The following GOLGA8M variants were observed in gnomAD, a reference collection of about 807,000 sequenced individuals.
GOLGA8M encodes the protein golgin subfamily A member 8M.
GOLGA8M carries 34 observed loss-of-function variants against 87.7 expected under a neutral mutation model. The observed-to-expected ratio is 0.39, with a 90% confidence interval of 0.29 to 0.52. The LOEUF (loss-of-function observed/expected upper bound fraction) is 0.52. GOLGA8M is among the 20% of genes least tolerant of loss of function. The pLI, the probability that GOLGA8M is intolerant of heterozygous loss-of-function variation, is 0.80. For synonymous variants in GOLGA8M, 138 were observed against 250.2 expected (o/e 0.55, Z 4.23); for missense variants, 396 against 682.2 (o/e 0.58, Z 4.67).
rs543836844 is a variant in GOLGA8M at position 28,703,124 on chromosome 15, T to G, written c.1368+195A>C. On this transcript the variant is annotated intron_variant, in intron 15 of 18. Transcript: ENST00000563027. ...ACACAGAACAAATGGGGCAGAGAGG[T>G]GGAGCGCAGCCCCTTCCCTTGGGCC... is the stretch of plus-strand genomic sequence containing the variant. Among the ~76,000 whole-genome samples the G allele has an allele frequency of 8.6e-4, 114 of 133,114 alleles. 18 individuals are homozygous for G. The Middle Eastern group carries it at 0.025, about 29-fold the overall frequency. 87.3% of individuals were successfully genotyped at this position (133,114 alleles called of 152,430 possible).
Position 28,702,047 on chromosome 15 carries a change from C to G in GOLGA8M, c.1806G>C (p.Pro602=), listed in dbSNP as rs1386751121. ...GGTGCTCCTGGTGGTCCTGCACGAT[C>G]GGCTGTGCAGTAGGCTTGTCAAGGA... is the stretch of plus-strand genomic sequence containing the variant. ...DPLLDKPTAQ[P]IVQDHQEHPG... The change falls in exon 19 of 19, where the codon CCG becomes CCC. Residue 602 remains proline (P), a synonymous_variant. Coordinates refer to ENST00000563027, the MANE Select transcript of GOLGA8M (RefSeq NM_001282468.3). 1 of 1,595,424 alleles carries G rather than the reference C, an allele frequency of 6.3e-7. No homozygotes were observed. Among genetic ancestry groups the G allele is most frequent in the African/African-American group, 1.4e-5 (1 of 73,908 alleles).
rs372516704 is a variant in GOLGA8M, at chr15:28,708,024, G to A, written c.410C>T (p.Thr137Ile). The change falls in exon 7 of 19, where the codon ACA (threonine) becomes ATA (isoleucine). Residue 137 changes from threonine to isoleucine, a missense_variant. By Grantham distance (89) the Thr-to-Ile change is moderately conservative. Transcript: ENST00000563027. ...TAGTTCCTCTTTCTGTATGTTCAATGTCTGGAGTTGAACCTTTGGGAGAAA... is the reference window on the plus strand; with the variant it reads ...TAGTTCCTCTTTCTGTATGTTCAATATCTGGAGTTGAACCTTTGGGAGAAA... ...AKRVLEVQLQ[T>I]LNIQKEELNT... The A allele has an allele frequency of 6.3e-7, 1 of 1,591,982 alleles. No individual in the cohort carries two copies. Among genetic ancestry groups the A allele is most frequent in the South Asian group, 1.1e-5 (1 of 90,292 alleles).
chr15:28,711,347 G>A (rs1445743721), intron 1 of GOLGA8M: 2 of 171,770 alleles, frequency 1.2e-5, no homozygotes, highest in East Asian at 3.8e-4. Context: ...AGGAGAGTCT[G>A]GTCCCAGAAC....
In GOLGA8M at chr15:28,701,851, C is replaced by G. The variant is rs369883430; in HGVS notation, c.*103G>C. 4.8e-4 allele frequency: 558 copies of G among 1,155,714 alleles called. 1 individual carries two copies. The highest frequency in any genetic ancestry group is 3.2e-3 in the East Asian group (132 of 40,728). 71.6% of individuals were successfully genotyped at this position (1,155,714 alleles called of 1,614,324 possible). On this transcript the variant is annotated 3_prime_UTR_variant, in exon 19 of 19. Coordinates refer to ENST00000563027, the MANE Select transcript of GOLGA8M (RefSeq NM_001282468.3). ...TAGAAACACAAATAATCATGAGTGA[C>G]TCTAACATTCAAAGGAAGTAAATGA... is the stretch of plus-strand genomic sequence containing the variant.
chr15:28,703,032 G>C (rs182674073), intron 15 of GOLGA8M: 1 of 941,240 alleles, frequency 1.1e-6, no homozygotes, highest in Non-Finnish European at 1.3e-6. Context: ...CTTCTCCTGG[G>C]CACTAGCTCC....
chr15:28,702,772 C>G (rs758796944), intron 15 of GOLGA8M, 27 bp from the exon 16 acceptor site: 180 of 1,595,756 alleles, frequency 1.1e-4, no homozygotes, highest in Non-Finnish European at 1.4e-4. Flanking sequence ...GCAGTCACAT[C>G]TCGGCAGCGA....
chr15:28,701,719 T>C lies in GOLGA8M; in HGVS notation c.*235A>G, dbSNP rs1345019528. ...TATGCATGCTAATGACCTACAATTA[T>C]GAAATTAAAAAAGAAAAATGCTAAA... On this transcript the variant is annotated 3_prime_UTR_variant, in exon 19 of 19. Transcript: ENST00000563027. Among the ~76,000 whole-genome samples, 1 of 151,650 alleles carries C rather than the reference T, an allele frequency of 6.6e-6. No homozygotes were observed. Among genetic ancestry groups the C allele is most frequent in the African/African-American group, 2.4e-5 (1 of 41,068 alleles).
Position 28,698,905 on chromosome 15 carries a change from T to C in GOLGA8M, c.*3049A>G, listed in dbSNP as rs1037783598. Among the ~76,000 whole-genome samples, 30 of 143,004 alleles carry C rather than the reference T, an allele frequency of 2.1e-4. 2 individuals are homozygous for C. Among genetic ancestry groups the C allele is most frequent in the African/African-American group, 7.9e-4 (30 of 37,868 alleles). 93.8% of individuals were successfully genotyped at this position (143,004 alleles called of 152,430 possible). ...TAATTCATAAACTGGTAAAATTCAT[T>C]CTAAGAAAACTTGGCAAATAAAACT... On this transcript the variant is annotated 3_prime_UTR_variant, in exon 19 of 19. Transcript: ENST00000563027.
At chr15:28,705,288 T>G in intron 12 of GOLGA8M, 61 bp from the exon 13 acceptor site, 1 of 1,534,136 alleles carries the variant, frequency 6.5e-7, no homozygotes, top group South Asian at 1.2e-5. Context: ...GAACTTGGTG[T>G]CTGCCTCCCA....
intron 4 of GOLGA8M, among the ~76,000 whole-genome samples, chr15:28,708,670 A>G (rs1005621211): frequency 2.6e-5 from 4 of 151,206 alleles, no homozygotes; most frequent in African/African-American, 9.7e-5. Flanking sequence ...ACCTCTAGAG[A>G]TGGAGTTTCA....
At chr15:28,707,027 A>G (rs2080054645) in intron 8 of GOLGA8M, among the ~76,000 whole-genome samples, 1 of 128,490 alleles carries the variant, frequency 7.8e-6, no homozygotes, top group South Asian at 2.4e-4. Flanking sequence ...CGCAACCACC[A>G]TAGGAGACAG....
rs1447719145 is a variant in GOLGA8M at position 28,705,239 on chromosome 15, G to A, written c.1132-12C>T. The A allele has an allele frequency of 1.1e-5, 18 of 1,596,842 alleles. No homozygotes were observed. The highest frequency in any genetic ancestry group is 1.3e-5 in the African/African-American group (1 of 74,894). On this transcript the variant is annotated splice_polypyrimidine_tract_variant and intron_variant, in intron 12 of 18. Coordinates refer to ENST00000563027, the MANE Select transcript of GOLGA8M (RefSeq NM_001282468.3). ...TTGTTCTCATTGTTCTGGACAGAGA[G>A]AAGCAATCAGCAGCCACCCACTGCA...
chr15:28,706,073 CTGA>C (rs2080018155), intron 11 of GOLGA8M, 40 bp downstream of exon 11: 1 of 611,364 alleles, frequency 1.6e-6, no homozygotes, highest in Non-Finnish European at 2.9e-6. Context: ...TCACAGCCCT[CTGA>C]TGCCAGTCCT....
rs1317932801 is a variant in GOLGA8M, at chr15:28,702,364, C to A, written c.1573G>T (p.Ala525Ser). The A allele has an allele frequency of 1.3e-6, 2 of 1,526,214 alleles. No individual in the cohort carries two copies. Among genetic ancestry groups the A allele is most frequent in the Admixed American group, 2.0e-5 (1 of 50,218 alleles). 94.5% of individuals were successfully genotyped at this position (1,526,214 alleles called of 1,614,324 possible). ...AGAQGGDEGEAAGAAADGIAA... is the reference protein window; with the variant it reads ...AGAQGGDEGESAGAAADGIAA... ...ATACCATCTGCTGCAGCTCCAGCAG[C>A]TTCACCTGGAGGGAGGGGTGCTCAG... is the stretch of plus-strand genomic sequence containing the variant. The change falls in exon 18 of 19, where the codon GCT (alanine) becomes TCT (serine). Residue 525 changes from alanine (A) to serine (S), a missense_variant. Ala to Ser is a moderately conservative substitution (Grantham distance 99). Transcript: ENST00000563027.
rs562951574 is a variant in GOLGA8M, at chr15:28,712,006, C to G, written c.48+270G>C. 4.1e-6 allele frequency: 4 copies of G among 984,596 alleles called. No individual in the cohort carries two copies. In the African/African-American group the frequency reaches 7.0e-5, roughly 17 times the overall value. The allele number at this position is 984,596 out of a possible 1,614,324, so 61.0% of individuals were successfully genotyped here. A position where few individuals can be genotyped will look rare whatever the true frequency, so the allele number is the denominator to read the frequency against. On this transcript the variant is annotated intron_variant, in intron 1 of 18. Coordinates refer to ENST00000563027, the MANE Select transcript of GOLGA8M (RefSeq NM_001282468.3). ...GAGCCCAGGGAGATCAAGCTTGGGG[C>G]GGCAGGAGATGAGGGCCCAGTAACG...
upstream of GOLGA8M, among the ~76,000 whole-genome samples, chr15:28,713,125 G>A (rs2080236348): frequency 6.6e-6 from 1 of 151,804 alleles, no homozygotes; most frequent in Admixed American, 6.6e-5. Flanking sequence ...GGATCATGAG[G>A]TCAGGAGATC....
intron 8 of GOLGA8M, among the ~76,000 whole-genome samples, chr15:28,707,357 T>C (rs1048564714): frequency 7.3e-6 from 1 of 137,416 alleles, no homozygotes; most frequent in African/African-American, 2.9e-5. Context: ...TATCATAGTA[T>C]GTACACACAC....
At chr15:28,707,351 A>G (rs1340299911) in intron 8 of GOLGA8M, among the ~76,000 whole-genome samples, 4 of 137,518 alleles carry the variant, frequency 2.9e-5, no homozygotes, top group Non-Finnish European at 4.5e-5. Context: ...GTATATTATC[A>G]TAGTATGTAC....
chr15:28,702,596 C>G (rs900821011), intron 16 of GOLGA8M, 34 bp from the exon 17 acceptor site: 24 of 1,609,676 alleles, frequency 1.5e-5, no homozygotes, highest in Non-Finnish European at 1.7e-5. Flanking sequence ...GCTGGGGCCC[C>G]TCCGACGGTC....
Sources: allele counts gnomAD v4.1 joint callset (sites outside exome capture counted in the v4.1 genomes callset), GRCh38; gene constraint gnomAD v4.1.1; transcripts MANE v1.5; gene names NCBI Gene and HGNC (gene_info 2026-07-23, HGNC 2026-07-21).